TERT: variants seen among roughly 807,000 people sequenced by gnomAD.
TERT encodes telomerase reverse transcriptase, also known as telomerase catalytic subunit.
TERT carries 42 observed loss-of-function variants against 104.0 expected under a neutral mutation model. That is an observed-to-expected ratio of 0.40 (90% CI 0.32 to 0.52). The LOEUF is 0.52. Among genes scored for constraint, TERT ranks in the 20% least tolerant of loss-of-function variants. The pLI, the probability that TERT is intolerant of heterozygous loss-of-function variation, is 0.43. For synonymous variants in TERT, 781 were observed against 725.6 expected, an observed-to-expected ratio of 1.08 and a Z score of -1.23; for missense variants, 1,101 against 1,610.3, an observed-to-expected ratio of 0.68 and a Z score of 5.41.
rs958664359 is a variant in TERT, at chr5:1,287,457, C to A, written c.1574-4833G>T. 1.3e-5 allele frequency among the ~76,000 whole-genome samples: 2 copies of A among 150,056 alleles called. No homozygotes were observed. The highest frequency in any genetic ancestry group is 4.9e-5 in the African/African-American group (2 of 40,754). On this transcript the variant is annotated intron_variant, in intron 2 of 15. Coordinates refer to ENST00000310581, the MANE Select transcript of TERT (RefSeq NM_198253.3). This position sits in a 1 kb window ranked among gnomAD's most constrained non-coding sequence, Gnocchi z 4.3. ...AAAGTTACACTGACCTGTGATCACA[C>A]CACTGCACTCACCCTGGGCGACAGA...
Position 1,285,636 on chromosome 5 carries a change from GT to G in TERT, c.1574-3013del, listed in dbSNP as rs1000908025. Among the ~76,000 whole-genome samples, 57 of 127,564 alleles carry G rather than the reference GT, an allele frequency of 4.5e-4. 1 individual carries two copies. Among genetic ancestry groups the G allele is most frequent in the Admixed American group, 8.0e-4 (8 of 9,950 alleles). The allele number at this position is 127,564 out of a possible 152,430, so 83.7% of individuals were successfully genotyped here. On this transcript the variant is annotated intron_variant, in intron 2 of 15. Transcript: ENST00000310581. ...CCAGGCTGGAGTGCAGTGGTGCAAT[GT>G]CGGCTCACTGCAACTTCCAACTCCC...
chr5:1,285,530 C>T (rs1458620163), intron 2 of TERT, among the ~76,000 whole-genome samples: 1 of 143,696 alleles, frequency 7.0e-6, no homozygotes, highest in Non-Finnish European at 1.5e-5. Flanking sequence ...TTAATTTCAC[C>T]TTTTCTTTTT....
Position 1,288,358 on chromosome 5 carries a change from T to C in TERT, c.1573+4955A>G, listed in dbSNP as rs1159141391. Among the ~76,000 whole-genome samples the C allele has an allele frequency of 1.3e-5, 2 of 151,920 alleles. No individual in the cohort carries two copies. The highest frequency in any genetic ancestry group is 2.4e-5 in the African/African-American group (1 of 41,342). ...GAATAAACCAAGAAAAAGCATACAA[T>C]GGAGAGATAGAAACGTCAGAGGTAA... On this transcript the variant is annotated intron_variant, in intron 2 of 15. Coordinates refer to ENST00000310581, the MANE Select transcript of TERT (RefSeq NM_198253.3). This position sits in a 1 kb window ranked among gnomAD's most constrained non-coding sequence, Gnocchi z 5.3.
At chr5:1,278,217 G>A (rs924737385) in intron 6 of TERT, among the ~76,000 whole-genome samples, 6 of 152,208 alleles carry the variant, frequency 3.9e-5, no homozygotes, top group African/African-American at 7.2e-5. Context: ...ACCAGCACCC[G>A]AGAGCGTGAG....
At chr5:1,260,381 C>T in intron 12 of TERT, 93 bp downstream of exon 12, 8 of 1,590,686 alleles carry the variant, frequency 5.0e-6, no homozygotes, top group Non-Finnish European at 6.9e-6. Context: ...CAGTCACCAT[C>T]AGCCTTGCAG....
chr5:1,270,980 G>A lies in TERT; in HGVS notation c.2468+139C>T. On this transcript the variant is annotated intron_variant, in intron 8 of 15. Transcript: ENST00000310581. The surrounding 1 kb of genome is among the most constrained non-coding windows in gnomAD (Gnocchi z 8.3). Reference sequence around the variant, plus strand: ...GGGAGCCTGCAGCCCAGGAGCCGGAGGGGGCGGGGGCCAGAAAAGGAGACT... The same window carrying A: ...GGGAGCCTGCAGCCCAGGAGCCGGAAGGGGCGGGGGCCAGAAAAGGAGACT... The A allele has an allele frequency of 1.5e-6, 1 of 685,062 alleles. No homozygotes were observed. The highest frequency in any genetic ancestry group is 2.7e-5 in the East Asian group (1 of 36,522). 42.4% of individuals were successfully genotyped at this position (685,062 alleles called of 1,614,324 possible). A position where few individuals can be genotyped will look rare whatever the true frequency, so the allele number is the denominator to read the frequency against.
rs879243344 is a variant in TERT, at chr5:1,278,391, GAC to G, written c.2286+248_2286+249del. ...ACAGCATGAACATGCACGTGTCACA[GAC>G]ACACACACATGCACACCACAGGCAC... is the stretch of plus-strand genomic sequence containing the variant. On this transcript the variant is annotated intron_variant, in intron 6 of 15. Transcript: ENST00000310581. Among the ~76,000 whole-genome samples the G allele has an allele frequency of 3.0e-4, 46 of 151,736 alleles. 1 individual carries two copies. In the East Asian group the frequency reaches 5.8e-3, roughly 19 times the overall value.
intron 2 of TERT, among the ~76,000 whole-genome samples, chr5:1,291,550 C>A (rs1329887360): frequency 3.7e-5 from 4 of 107,622 alleles, no homozygotes; most frequent in African/African-American, 3.8e-5. Context: ...GTGACAGGGA[C>A]ACCCGGGGAC....
At position 1,280,272 on chromosome 5, in the gene TERT, G is replaced by A. The variant is rs34170122; in HGVS notation, c.1836C>T (p.Ala612=). ...GTCTGGACGTCAGCAGGGCGGGCCT[G>A]GCTTCCCGATGCTGCCTGACCTCTG... The part of the protein sequence containing the change: ...SEAEVRQHRE[A]RPALLTSRLR... The change falls in exon 4 of 16, where the codon GCC becomes GCT. Residue 612 remains alanine (A), a synonymous_variant. Coordinates refer to ENST00000310581, the MANE Select transcript of TERT (RefSeq NM_198253.3). 1 of 1,613,724 alleles carries A rather than the reference G, an allele frequency of 6.2e-7. No individual in the cohort carries two copies. The highest frequency in any genetic ancestry group is 8.5e-7 in the Non-Finnish European group (1 of 1,180,016).
chr5:1,290,618 T>G (rs1750845778), intron 2 of TERT, among the ~76,000 whole-genome samples: 1 of 70,376 alleles, frequency 1.4e-5, no homozygotes, highest in Non-Finnish European at 2.6e-5. Flanking sequence ...ACCCTGAACG[T>G]GACAGGGACA....
intron 2 of TERT, 79 bp downstream of exon 2, chr5:1,293,234 G>A (rs911225724): frequency 1.9e-6 from 3 of 1,569,068 alleles, no homozygotes; most frequent in East Asian, 2.2e-5. Flanking sequence ...GAGGACCAGG[G>A]CTCTGCCTGC....
At chr5:1,271,295 G>C in intron 7 of TERT, 91 bp from the exon 8 acceptor site, 1 of 925,220 alleles carries the variant, frequency 1.1e-6, no homozygotes, top group Non-Finnish European at 1.8e-6. Context: ...TCCCTTTTGG[G>C]GTCAGTGTTT....
chr5:1,290,310 A>T, intron 2 of TERT, among the ~76,000 whole-genome samples: 1 of 60,134 alleles, frequency 1.7e-5, no homozygotes, highest in Non-Finnish European at 3.0e-5. Context: ...ACGGCGCCTC[A>T]CTCACCCTAC....
chr5:1,267,165 G>A (rs1309496440), intron 9 of TERT, among the ~76,000 whole-genome samples: 2 of 152,208 alleles, frequency 1.3e-5, no homozygotes, highest in Admixed American at 1.3e-4. Context: ...GAACCTTAAT[G>A]AAGAAGAACC....
In TERT at chr5:1,261,952, C is replaced by G. The variant is rs995760959; in HGVS notation, c.2844-1352G>C. On this transcript the variant is annotated intron_variant, in intron 11 of 15. Transcript: ENST00000310581. The surrounding 1 kb of genome is among the most constrained non-coding windows in gnomAD (Gnocchi z 7.4). ...GAGAGGATGAATGTGCAGGACCTCA[C>G]AGGGCGCCTTAAATAAATCACGTGC... Among the ~76,000 whole-genome samples, 1 of 152,210 alleles carries G rather than the reference C, an allele frequency of 6.6e-6. No homozygotes were observed. Among genetic ancestry groups the G allele is most frequent in the South Asian group, 2.1e-4 (1 of 4,836 alleles).
At position 1,269,602 on chromosome 5, in the gene TERT, C is replaced by T. The variant is rs565031594; in HGVS notation, c.2469-969G>A. On this transcript the variant is annotated intron_variant, in intron 8 of 15. Transcript: ENST00000310581. The surrounding 1 kb of genome is among the most constrained non-coding windows in gnomAD (Gnocchi z 9.0). ...CTCAAGCCCAGGCAGACAACAGTGACGTTCCGTCTCAAAAAAAAAAAAAGA... is the reference window on the plus strand; with the variant it reads ...CTCAAGCCCAGGCAGACAACAGTGATGTTCCGTCTCAAAAAAAAAAAAAGA... Among the ~76,000 whole-genome samples the T allele has an allele frequency of 2.0e-5, 3 of 149,862 alleles. No individual in the cohort carries two copies. The highest frequency in any genetic ancestry group is 3.9e-4 in the East Asian group (2 of 5,130).
intron 13 of TERT, 48 bp downstream of exon 13, chr5:1,258,550 G>A (rs750355020): frequency 3.2e-5 from 49 of 1,525,528 alleles, no homozygotes; most frequent in East Asian, 2.0e-4. Context: ...TGAGCAGAGC[G>A]CGGAGGGTCC....
intron 12 of TERT, 146 bp downstream of exon 12, chr5:1,260,327 TG>T: frequency 7.8e-7 from 1 of 1,278,990 alleles, no homozygotes; most frequent in Non-Finnish European, 1.1e-6. Context: ...CACACATGTA[TG>T]TGCTCACGTG....
chr5:1,276,121 T>C (rs1389728077), intron 6 of TERT, among the ~76,000 whole-genome samples: 2 of 124,922 alleles, frequency 1.6e-5, no homozygotes, highest in Non-Finnish European at 3.3e-5. Flanking sequence ...GATCCCCACC[T>C]ACCCCACGGA....
Sources: gnomAD v4.1 joint callset for allele counts (sites outside exome capture counted in the v4.1 genomes callset) on GRCh38, gnomAD v4.1.1 for gene constraint, Gnocchi (gnomAD v3.1) non-coding constraint, MANE v1.5 for transcripts, NCBI Gene and HGNC (gene_info 2026-07-23, HGNC 2026-07-21) for gene names.